Variants in HYAL1 observed in about 807,000 individuals in gnomAD.
HYAL1 encodes hyaluronidase-1.
A neutral mutation model predicts 28.8 loss-of-function variants in HYAL1; 21 were observed. The ratio of observed to expected loss-of-function variants is 0.73; its 90% confidence interval spans 0.52 to 1.05. The LOEUF is 1.05. Among genes scored for constraint, HYAL1 ranks in the 50% least tolerant of loss-of-function variants. The pLI, the probability that HYAL1 is intolerant of heterozygous loss-of-function variation, is 0.00. For missense variants in HYAL1, 491 were observed against 579.2 expected, an observed-to-expected ratio of 0.85 and a Z score of 1.56; for synonymous variants, 200 against 230.1, an observed-to-expected ratio of 0.87 and a Z score of 1.18.
rs1478957379 is a variant in HYAL1 at position 50,311,116 on chromosome 3, T to C, written c.-310+1148A>G. Reference sequence around the variant, plus strand: ...GGCCCGTTCTCAATGAGCTGTTGGGTACACCTCCCAGACGGGGTGGTGGCC... The same window carrying C: ...GGCCCGTTCTCAATGAGCTGTTGGGCACACCTCCCAGACGGGGTGGTGGCC... On this transcript the variant is annotated intron_variant, in intron 1 of 5. Coordinates refer to the HYAL1 transcript ENST00000320295. 6.2e-4 allele frequency among the ~76,000 whole-genome samples: 95 copies of C among 152,004 alleles called. 2 individuals are homozygous for C. The highest frequency in any genetic ancestry group is 5.4e-3 in the Admixed American group (82 of 15,296).
Position 50,302,827 on chromosome 3 carries a change from G to C in HYAL1, c.130C>G (p.Leu44Val). The change falls in exon 2 of 4, where the codon CTG becomes GTG. Residue 44 changes from leucine to valine, a missense_variant. Leu to Val is a conservative substitution (Grantham distance 32). Transcript: ENST00000395144. This position sits in a 1 kb window ranked among gnomAD's most constrained non-coding sequence, Gnocchi z 5.0. ...TVWNANTQWC[L>V]ERHGVDVDVS... ...TCCACGTCCACACCGTGCCTCTCCA[G>C]GCACCACTGGGTGTTTGCATTCCAG... 6.2e-7 allele frequency: 1 copy of C among 1,614,084 alleles called. No individual in the cohort carries two copies. Among genetic ancestry groups the C allele is most frequent in the Non-Finnish European group, 8.5e-7 (1 of 1,180,018 alleles).
In HYAL1 at chr3:50,302,400, G is replaced by C; in HGVS notation, c.557C>G (p.Thr186Ser). The change falls in exon 2 of 4, where the codon ACC becomes AGC. Residue 186 changes from threonine to serine, a missense_variant. Coordinates refer to ENST00000395144, the MANE Select transcript of HYAL1 (RefSeq NM_033159.4). The surrounding 1 kb of genome is among the most constrained non-coding windows in gnomAD (Gnocchi z 5.0). ...ACGCAGTGCCCGCCCCAGCTGGAGG[G>C]TGCCTGCCATCCAGGCCCGTGCAGC... ...QGAARAWMAG[T>S]LQLGRALRPR... The C allele has an allele frequency of 6.2e-7, 1 of 1,613,908 alleles. No homozygotes were observed. Among genetic ancestry groups the C allele is most frequent in the East Asian group, 2.2e-5 (1 of 44,888 alleles).
At chr3:50,311,342 G>C (rs1702447290) in intron 1 of HYAL1, among the ~76,000 whole-genome samples, 1 of 133,354 alleles carries the variant, frequency 7.5e-6, no homozygotes, top group Non-Finnish European at 1.6e-5. Flanking sequence ...CCTCCCGGAC[G>C]GGGCGGCTGG....
At chr3:50,307,783 C>A, upstream of HYAL1, among the ~76,000 whole-genome samples, 1 of 144,524 alleles carries the variant, frequency 6.9e-6, no homozygotes. Context: ...GTGTAAGTCA[C>A]AAAAAACCCA....
At chr3:50,303,331 G>T (rs113603579) in intron 1 of HYAL1, 135 bp downstream of exon 1, 3,300 of 183,796 alleles carry the variant, frequency 0.018, 62 homozygotes, top group Middle Eastern at 0.083. Flanking sequence ...CCGACCAAGG[G>T]GGGGAGGCCT....
chr3:50,310,799 ACT>A (rs1702429715), intron 1 of HYAL1, among the ~76,000 whole-genome samples: 1 of 148,510 alleles, frequency 6.7e-6, no homozygotes, highest in South Asian at 2.1e-4. Flanking sequence ...AGTGGTGATG[ACT>A]CTTAACGAGC....
upstream of HYAL1, among the ~76,000 whole-genome samples, chr3:50,306,597 T>A (rs1019908405): frequency 2.6e-5 from 4 of 151,198 alleles, no homozygotes; most frequent in Admixed American, 6.6e-5. Flanking sequence ...ATTAAAAAAA[T>A]TTTTTTTGGC....
intron 2 of HYAL1, among the ~76,000 whole-genome samples, chr3:50,309,335 A>G (rs1702401482): frequency 6.6e-6 from 1 of 150,468 alleles, no homozygotes; most frequent in African/African-American, 2.5e-5. Flanking sequence ...ATGGTGGCAC[A>G]TGCCTGTAAT....
upstream of HYAL1, among the ~76,000 whole-genome samples, chr3:50,305,337 G>C (rs1418083750): frequency 6.6e-6 from 1 of 152,056 alleles, no homozygotes; most frequent in East Asian, 1.9e-4. Context: ...TCTGCCCCCC[G>C]GGTTCATGCC....
upstream of HYAL1, among the ~76,000 whole-genome samples, chr3:50,307,080 A>AG (rs1190872103): frequency 2.7e-5 from 4 of 150,166 alleles, no homozygotes; most frequent in Non-Finnish European, 4.4e-5. Context: ...AAAAAAAAAA[A>AG]AATAAGCCGG....
At position 50,302,406 on chromosome 3, in the gene HYAL1, G is replaced by A. The variant is rs1225771471; in HGVS notation, c.551C>T (p.Ala184Val). 6.2e-7 allele frequency: 1 copy of A among 1,613,878 alleles called. No individual in the cohort carries two copies. Among genetic ancestry groups the A allele is most frequent in the African/African-American group, 1.3e-5 (1 of 75,072 alleles). ...TGCCCGCCCCAGCTGGAGGGTGCCT[G>A]CCATCCAGGCCCGTGCAGCTCCCTG... is the stretch of plus-strand genomic sequence containing the variant. ...QFQGAARAWMAGTLQLGRALR... is the reference protein window; with the variant it reads ...QFQGAARAWMVGTLQLGRALR... Residue 184 changes from alanine (A) to valine (V), a missense_variant, in exon 2 of 4, where the codon GCA becomes GTA. Transcript: ENST00000395144. This position sits in a 1 kb window ranked among gnomAD's most constrained non-coding sequence, Gnocchi z 5.0.
At chr3:50,312,107 C>T (rs1368604343) in intron 1 of HYAL1, among the ~76,000 whole-genome samples, 8 of 145,856 alleles carry the variant, frequency 5.5e-5, no homozygotes, top group Non-Finnish European at 1.2e-4. Flanking sequence ...GGCGGCTGGC[C>T]GGGCGGGGGG....
chr3:50,310,739 AC>A (rs1399607765), intron 1 of HYAL1, among the ~76,000 whole-genome samples: 1 of 149,822 alleles, frequency 6.7e-6, no homozygotes, highest in African/African-American at 2.5e-5. Context: ...TAGGCAGAGG[AC>A]CCCACGGCCT....
At position 50,302,073 on chromosome 3, in the gene HYAL1, T is replaced by C; in HGVS notation, c.884A>G (p.Asn295Ser). The change falls in exon 2 of 4, where the codon AAC becomes AGC. Residue 295 changes from asparagine to serine, a missense_variant. Transcript: ENST00000395144. This position sits in a 1 kb window ranked among gnomAD's most constrained non-coding sequence, Gnocchi z 5.0. ...PYVQIFYDTT[N>S]HFLPLDELEH... ...AAGACTCACCAGGGGCAGAAAGTGGTTTGTCGTGTCATAGAAGATCTGGAC... is the reference window on the plus strand; with the variant it reads ...AAGACTCACCAGGGGCAGAAAGTGGCTTGTCGTGTCATAGAAGATCTGGAC... 6.2e-7 allele frequency: 1 copy of C among 1,614,014 alleles called. No individual in the cohort carries two copies. The highest frequency in any genetic ancestry group is 8.5e-7 in the Non-Finnish European group (1 of 1,179,990).
At chr3:50,305,902 G>T (rs1306131654), upstream of HYAL1, among the ~76,000 whole-genome samples, 1 of 151,422 alleles carries the variant, frequency 6.6e-6, no homozygotes, top group Non-Finnish European at 1.5e-5. Flanking sequence ...GCTGTGCCCG[G>T]AACACCTTGG....
Position 50,302,006 on chromosome 3 carries a change from T to A in HYAL1, c.900+51A>T. ...AGCTAAAGTACCCCAAGGCTGGACC[T>A]AATATCTGACAAGGCAGGTTGACAA... On this transcript the variant is annotated intron_variant, in intron 2 of 3. Transcript: ENST00000395144. This position sits in a 1 kb window ranked among gnomAD's most constrained non-coding sequence, Gnocchi z 5.0. The A allele has an allele frequency of 1.3e-6, 2 of 1,572,094 alleles. No homozygotes were observed. Among genetic ancestry groups the A allele is most frequent in the Non-Finnish European group, 1.8e-6 (2 of 1,142,214 alleles).
At chr3:50,309,979 T>C (rs2109315859) in intron 1 of HYAL1, among the ~76,000 whole-genome samples, 1 of 151,574 alleles carries the variant, frequency 6.6e-6, no homozygotes, top group Admixed American at 6.5e-5. Context: ...CTGCACTGTA[T>C]ACAAATATTT....
chr3:50,300,498 C>T lies in HYAL1; in HGVS notation c.1293G>A (p.Arg431=), dbSNP rs1372753925. The part of the protein sequence containing the change: ...YPGWQAPWCE[R]KSMW The stretch of plus-strand genomic sequence containing the variant: ...GTGTGGCCAATCACCACATGCTCTT[C>T]CGCTCACACCACGGTGCCTGCCAGC... Residue 431 remains arginine (R), a synonymous_variant, in exon 4 of 4, where the codon CGG becomes CGA. Coordinates refer to ENST00000395144, the MANE Select transcript of HYAL1 (RefSeq NM_033159.4). 1 of 1,614,238 alleles carries T rather than the reference C, an allele frequency of 6.2e-7. No homozygotes were observed. The highest frequency in any genetic ancestry group is 1.3e-5 in the African/African-American group (1 of 75,070).
chr3:50,309,671 A>C lies in HYAL1; in HGVS notation c.-203T>G, dbSNP rs782352886. The C allele has an allele frequency of 1.4e-4, 21 of 150,650 alleles. 3 individuals are homozygous for C. Among genetic ancestry groups the C allele is most frequent in the African/African-American group, 5.0e-4 (20 of 40,344 alleles). 9.3% of individuals were successfully genotyped at this position (150,650 alleles called of 1,614,324 possible). ...CAGGATTTCTTACCTGTGGTAAGTA[A>C]AGAATGTCACTTTCTGGGGCCAGGA... On this transcript the variant is annotated 5_prime_UTR_variant, in exon 2 of 6. Transcript: ENST00000320295.
Sources: allele counts gnomAD v4.1 joint callset (sites outside exome capture counted in the v4.1 genomes callset), GRCh38; gene constraint gnomAD v4.1.1; non-coding constraint Gnocchi (gnomAD v3.1); transcripts MANE v1.5; gene names NCBI Gene and HGNC (gene_info 2026-07-23, HGNC 2026-07-21).